Variants in TBCA observed in about 807,000 individuals in gnomAD.
The protein encoded by TBCA is tubulin folding cofactor A.
Under a neutral mutation model 15.8 loss-of-function variants are expected in TBCA, and 6 were observed. That is an observed-to-expected ratio of 0.38 (90% CI 0.21 to 0.75). TBCA has a LOEUF of 0.75. Among genes scored for constraint, TBCA ranks in the 30% least tolerant of loss-of-function variants. TBCA has a pLI of 0.46. For missense variants in TBCA, 90 were observed against 131.2 expected (o/e 0.69, Z 1.53); for synonymous variants, 32 against 42.3 (o/e 0.76, Z 0.94).
intron 2 of TBCA, among the ~76,000 whole-genome samples, chr5:77,699,050 A>AAAAAAAAAG (rs1561262955): frequency 2.6e-4 from 38 of 144,420 alleles, no homozygotes; most frequent in Non-Finnish European, 4.0e-4. Context: ...AAAAAAAAAA[A>AAAAAAAAAG]AAAAAAAAGA....
intron 1 of TBCA, among the ~76,000 whole-genome samples, chr5:77,727,807 C>T (rs1746665921): frequency 6.6e-6 from 1 of 152,074 alleles, no homozygotes; most frequent in Admixed American, 6.6e-5. Context: ...AAAGAAAAGA[C>T]AATAGTTGGC....
chr5:77,727,239 G>GAA (rs35477479), intron 1 of TBCA, among the ~76,000 whole-genome samples: 19,404 of 80,626 alleles, frequency 0.24, 2,394 homozygotes, highest in Non-Finnish European at 0.33. Flanking sequence ...TCTGTCTCAG[G>GAA]AAAAAAAAAA....
chr5:77,720,860 T>A (rs1035428354), intron 1 of TBCA, among the ~76,000 whole-genome samples: 1 of 152,218 alleles, frequency 6.6e-6, no homozygotes, highest in African/African-American at 2.4e-5. Flanking sequence ...AATTGTTATA[T>A]ATAACTTAGA....
At chr5:77,714,735 T>G (rs369760243) in intron 1 of TBCA, among the ~76,000 whole-genome samples, 151 of 152,010 alleles carry the variant, frequency 9.9e-4, no homozygotes, top group African/African-American at 3.4e-3. Context: ...GCCAGCTAAT[T>G]TTTTGTATTT....
intron 1 of TBCA, among the ~76,000 whole-genome samples, chr5:77,734,475 G>A (rs537446375): frequency 1.2e-4 from 18 of 152,286 alleles, no homozygotes; most frequent in African/African-American, 4.1e-4. Flanking sequence ...TAACTTTGAG[G>A]GATTCAGGAC....
At chr5:77,703,228 T>G (rs61098923) in intron 2 of TBCA, among the ~76,000 whole-genome samples, 10,839 of 152,270 alleles carry the variant, frequency 0.071, 534 homozygotes, top group African/African-American at 0.14. Flanking sequence ...ATTATACCAG[T>G]TTGTCTTATT....
intron 1 of TBCA, among the ~76,000 whole-genome samples, chr5:77,753,051 A>G (rs1441825072): frequency 6.6e-6 from 1 of 152,186 alleles, no homozygotes; most frequent in Non-Finnish European, 1.5e-5. Flanking sequence ...CTTTAGCAAA[A>G]TCCACATCCT....
chr5:77,746,300 T>C lies in TBCA; in HGVS notation c.53+29905A>G, dbSNP rs1337329858. Among the ~76,000 whole-genome samples the C allele has an allele frequency of 2.6e-5, 4 of 152,154 alleles. No homozygotes were observed. The East Asian group carries it at 5.8e-4, about 22-fold the overall frequency. ...AAATAAAAATAAATAATTTTTTTAA[T>C]AATGAAGACTTGTTTTACTTTTTCA... On this transcript the variant is annotated intron_variant, in intron 1 of 3. Coordinates refer to ENST00000380377, the MANE Select transcript of TBCA (RefSeq NM_004607.3).
chr5:77,708,411 G>A (rs1746198490), intron 1 of TBCA, 64 bp from the exon 2 acceptor site: 2 of 930,030 alleles, frequency 2.2e-6, no homozygotes, highest in South Asian at 3.1e-5. Context: ...GAAAGAAACT[G>A]TGTAAATATA....
At chr5:77,744,788 G>A (rs1747144599) in intron 1 of TBCA, among the ~76,000 whole-genome samples, 2 of 151,930 alleles carry the variant, frequency 1.3e-5, no homozygotes, top group Admixed American at 6.6e-5. Context: ...CACCCGCTTC[G>A]GCCTCCAAAA....
chr5:77,698,967 T>C (rs1669101681), intron 2 of TBCA, among the ~76,000 whole-genome samples: 1 of 148,072 alleles, frequency 6.8e-6, no homozygotes, highest in African/African-American at 2.5e-5. Context: ...AACTGCACTT[T>C]TATATCTAAC....
intron 1 of TBCA, among the ~76,000 whole-genome samples, chr5:77,756,858 C>G (rs984256114): frequency 1.6e-4 from 24 of 150,178 alleles, no homozygotes; most frequent in African/African-American, 5.6e-4. Flanking sequence ...ACAAACAGAA[C>G]ACCCCAAAAA....
At chr5:77,752,201 A>G (rs1371648612) in intron 1 of TBCA, among the ~76,000 whole-genome samples, 2 of 152,234 alleles carry the variant, frequency 1.3e-5, no homozygotes, top group Non-Finnish European at 2.9e-5. Context: ...ATACCAGCCT[A>G]CGAAATGGAA....
At chr5:77,771,880 A>T (rs1424921055) in intron 1 of TBCA, among the ~76,000 whole-genome samples, 1 of 152,322 alleles carries the variant, frequency 6.6e-6, no homozygotes, top group East Asian at 1.9e-4. Context: ...AAATACCTAG[A>T]ATATAATTTC....
intron 1 of TBCA, among the ~76,000 whole-genome samples, chr5:77,744,205 G>A (rs984068974): frequency 1.3e-5 from 2 of 152,082 alleles, no homozygotes; most frequent in African/African-American, 4.8e-5. Flanking sequence ...TGTCACCTGT[G>A]ATAAGCCTTC....
At chr5:77,725,404 T>C (rs1030534182) in intron 1 of TBCA, among the ~76,000 whole-genome samples, 4 of 152,210 alleles carry the variant, frequency 2.6e-5, no homozygotes, top group African/African-American at 9.6e-5. Flanking sequence ...TGCTTGATTG[T>C]TAGTGAAATG....
intron 3 of TBCA, chr5:77,692,807 A>C: frequency 1.0e-5 from 11 of 1,059,354 alleles, no homozygotes; most frequent in Non-Finnish European, 1.3e-5. Context: ...AGGGGACTAC[A>C]TAGATTACCA....
chr5:77,734,676 AAAC>A (rs1406549393), intron 1 of TBCA, among the ~76,000 whole-genome samples: 71 of 152,358 alleles, frequency 4.7e-4, no homozygotes, highest in African/African-American at 1.5e-3. Context: ...TACTATACGT[AAAC>A]TTAGTTGATG....
rs187157458 is a variant in TBCA at position 77,772,717 on chromosome 5, A to G, written c.53+3488T>C. 1.2e-3 allele frequency among the ~76,000 whole-genome samples: 181 copies of G among 152,292 alleles called. 1 individual carries two copies. Among genetic ancestry groups the G allele is most frequent in the African/African-American group, 4.1e-3 (172 of 41,566 alleles). On this transcript the variant is annotated intron_variant, in intron 1 of 3. Coordinates refer to ENST00000380377, the MANE Select transcript of TBCA (RefSeq NM_004607.3). ...AGCTATACCCCAAAATGTCAACAGAAAAGTCATTTTAAAATGTATGGGAGA... is the reference window on the plus strand; with the variant it reads ...AGCTATACCCCAAAATGTCAACAGAGAAGTCATTTTAAAATGTATGGGAGA...
Sources: allele counts gnomAD v4.1 joint callset (sites outside exome capture counted in the v4.1 genomes callset), GRCh38; gene constraint gnomAD v4.1.1; transcripts MANE v1.5; gene names NCBI Gene and HGNC (gene_info 2026-07-23, HGNC 2026-07-21).